LYPD6: variants seen among roughly 807,000 people sequenced by gnomAD.
LYPD6 encodes the protein ly6/PLAUR domain-containing protein 6.
In LYPD6, 15 loss-of-function variants were observed where a neutral mutation model predicts 22.7. The ratio of observed to expected loss-of-function variants is 0.66; its 90% CI spans 0.44 to 1.02. The LOEUF (loss-of-function observed/expected upper bound fraction) is 1.02. Ranked by LOEUF, LYPD6 falls within the 50% of genes least tolerant of loss-of-function variation. LYPD6 has a pLI of 0.00. For missense variants in LYPD6, 189 were observed against 208.4 expected (o/e 0.91, Z 0.57); for synonymous variants, 72 against 77.5 (o/e 0.93, Z 0.37).
intron 1 of LYPD6, among the ~76,000 whole-genome samples, chr2:149,378,139 C>T (rs1256282415): frequency 1.3e-5 from 2 of 152,084 alleles, no homozygotes; most frequent in Non-Finnish European, 2.9e-5. Context: ...TATTTTGAGA[C>T]AGGGTTTCAC....
intron 1 of LYPD6, among the ~76,000 whole-genome samples, chr2:149,391,778 G>A (rs1218342294): frequency 6.6e-6 from 1 of 152,158 alleles, no homozygotes; most frequent in Non-Finnish European, 1.5e-5. Context: ...CTTTCTGGAA[G>A]AATAGAAGGT....
intron 1 of LYPD6, among the ~76,000 whole-genome samples, chr2:149,375,550 C>A (rs983202591): frequency 6.6e-6 from 1 of 152,112 alleles, no homozygotes; most frequent in African/African-American, 2.4e-5. Flanking sequence ...TTAGAAAATA[C>A]CTTTCCTAAA....
intron 1 of LYPD6, among the ~76,000 whole-genome samples, chr2:149,362,265 G>A (rs1384687814): frequency 6.6e-6 from 1 of 152,064 alleles, no homozygotes; most frequent in Non-Finnish European, 1.5e-5. Context: ...TTATGGATGA[G>A]GCCTCTATGA....
intron 1 of LYPD6, among the ~76,000 whole-genome samples, chr2:149,336,331 A>T (rs994900744): frequency 1.3e-5 from 2 of 152,196 alleles, no homozygotes; most frequent in African/African-American, 4.8e-5. Flanking sequence ...TCTAAATAGG[A>T]AGAAAAATAA....
intron 1 of LYPD6, among the ~76,000 whole-genome samples, chr2:149,359,787 G>C (rs1054969204): frequency 2.4e-4 from 37 of 151,842 alleles, no homozygotes; most frequent in African/African-American, 7.0e-4. Context: ...TCTACTTTTT[G>C]TATCCCTCTA....
At chr2:149,379,175 A>G (rs1261073168) in intron 1 of LYPD6, among the ~76,000 whole-genome samples, 1 of 152,138 alleles carries the variant, frequency 6.6e-6, no homozygotes, top group African/African-American at 2.4e-5. Context: ...ACTAGAGGCT[A>G]GAAAAAAACA....
chr2:149,475,726 T>C (rs1456036340), downstream of LYPD6, among the ~76,000 whole-genome samples: 2 of 152,230 alleles, frequency 1.3e-5, no homozygotes, highest in African/African-American at 4.8e-5. Context: ...TGGGGTCCTC[T>C]TTTCTATTAC....
the LYPD6 span, among the ~76,000 whole-genome samples, chr2:149,485,228 G>A: frequency 1.3e-5 from 2 of 152,114 alleles, no homozygotes; most frequent in African/African-American, 2.4e-5. Flanking sequence ...AGAAAATTTT[G>A]TACTTCTGTA....
At chr2:149,403,446 C>T (rs977812729) in intron 1 of LYPD6, among the ~76,000 whole-genome samples, 1 of 149,592 alleles carries the variant, frequency 6.7e-6, no homozygotes, top group African/African-American at 2.5e-5. Flanking sequence ...GATGGTATCT[C>T]ATTGTGGTTT....
rs73964431 is a variant in LYPD6 at position 149,450,062 on chromosome 2, G to A, written c.217+915G>A. Reference sequence around the variant, plus strand: ...TGGAAACCAAAATTAAAGGAAACATGTCAACTATCCAAGCTAGTACTCTAA... The same window carrying A: ...TGGAAACCAAAATTAAAGGAAACATATCAACTATCCAAGCTAGTACTCTAA... On this transcript the variant is annotated intron_variant, in intron 3 of 4. Transcript: ENST00000334166. Among the ~76,000 whole-genome samples, 741 of 152,270 alleles carry A rather than the reference G, an allele frequency of 4.9e-3. 6 individuals are homozygous for A. The highest frequency in any genetic ancestry group is 0.017 in the African/African-American group (695 of 41,528).
At chr2:149,382,815 T>C (rs1370291353) in intron 1 of LYPD6, among the ~76,000 whole-genome samples, 2 of 152,220 alleles carry the variant, frequency 1.3e-5, no homozygotes, top group African/African-American at 4.8e-5. Flanking sequence ...ATAACAAATT[T>C]ATGAAAATAT....
chr2:149,474,785 T>G (rs993652826), downstream of LYPD6, among the ~76,000 whole-genome samples: 4 of 152,198 alleles, frequency 2.6e-5, no homozygotes, highest in African/African-American at 9.7e-5. Context: ...TTTGTTTGTT[T>G]GAGACAGAGT....
chr2:149,470,501 A>G (rs150410357), intron 4 of LYPD6, among the ~76,000 whole-genome samples, 182 bp from the exon 5 acceptor site: 1 of 152,228 alleles, frequency 6.6e-6, no homozygotes, highest in Non-Finnish European at 1.5e-5. Flanking sequence ...TTTCATGTTG[A>G]CCAGATTGCT....
chr2:149,484,131 T>C, the LYPD6 span, among the ~76,000 whole-genome samples: 14 of 152,222 alleles, frequency 9.2e-5, no homozygotes, highest in African/African-American at 3.4e-4. Flanking sequence ...TTATTAAGTT[T>C]CCACTTACTT....
downstream of LYPD6, among the ~76,000 whole-genome samples, chr2:149,476,834 T>C (rs1681455637): frequency 6.6e-6 from 1 of 152,182 alleles, no homozygotes; most frequent in Non-Finnish European, 1.5e-5. Context: ...TGGCTACTGG[T>C]CCAACTTCTC....
upstream of LYPD6, chr2:149,330,455 CCG>C (rs1400124061): frequency 2.0e-5 from 3 of 149,756 alleles, no homozygotes; most frequent in East Asian, 2.0e-4. Context: ...TCCGCTCCCC[CCG>C]CGCGCGCTGA....
intron 3 of LYPD6, among the ~76,000 whole-genome samples, chr2:149,453,983 C>T (rs899327887): frequency 6.6e-6 from 1 of 152,122 alleles, no homozygotes; most frequent in African/African-American, 2.4e-5. Context: ...ATACCTTATC[C>T]AGTGTTGGCC....
At chr2:149,434,504 T>TA (rs1403528089) in intron 1 of LYPD6, among the ~76,000 whole-genome samples, 2 of 152,238 alleles carry the variant, frequency 1.3e-5, no homozygotes, top group Admixed American at 1.3e-4. Context: ...TCATAAAAGA[T>TA]ATAGTATACA....
intron 3 of LYPD6, among the ~76,000 whole-genome samples, chr2:149,453,628 A>C (rs1680884420): frequency 6.6e-6 from 1 of 152,232 alleles, no homozygotes; most frequent in Non-Finnish European, 1.5e-5. Flanking sequence ...GGCTTTTTCC[A>C]GATTGGTTGC....
Sources: allele counts gnomAD v4.1 joint callset (sites outside exome capture counted in the v4.1 genomes callset), GRCh38; gene constraint gnomAD v4.1.1; transcripts MANE v1.5; gene names NCBI Gene and HGNC (gene_info 2026-07-23, HGNC 2026-07-21).